GRM3: variants seen among roughly 807,000 people sequenced by gnomAD.
GRM3 encodes metabotropic glutamate receptor 3.
GRM3 carries 26 observed loss-of-function variants against 70.5 expected under a neutral mutation model. The observed-to-expected ratio is 0.37, with a 90% CI of 0.27 to 0.51. The LOEUF (loss-of-function observed/expected upper bound fraction) is 0.51, where lower values mean the gene tolerates loss of function less well. Among genes scored for constraint, GRM3 ranks in the 20% least tolerant of loss-of-function variants. The pLI, the probability that GRM3 is intolerant of heterozygous loss-of-function variation, is 0.93. For missense variants in GRM3, 859 were observed against 1,123.8 expected (o/e 0.76, Z 3.37); for synonymous variants, 443 against 434.9 (o/e 1.02, Z -0.23).
intron 5 of GRM3, among the ~76,000 whole-genome samples, chr7:86,856,212 G>A (rs976854945): frequency 3.3e-5 from 5 of 152,144 alleles, no homozygotes; most frequent in African/African-American, 9.7e-5. Flanking sequence ...GGAAGGCCAA[G>A]GCAGGTGGAT....
chr7:86,758,693 T>C (rs1796406837), intron 1 of GRM3, among the ~76,000 whole-genome samples: 1 of 152,120 alleles, frequency 6.6e-6, no homozygotes, highest in African/African-American at 2.4e-5. Flanking sequence ...TTTAGGACAA[T>C]CTGTTTGCCT....
intron 3 of GRM3, among the ~76,000 whole-genome samples, chr7:86,833,853 C>T (rs1798405302): frequency 6.6e-6 from 1 of 152,022 alleles, no homozygotes; most frequent in African/African-American, 2.4e-5. Context: ...GTAATGTATG[C>T]ATTTGAAGTA....
rs750176393 is a variant in GRM3, at chr7:86,864,368, G to A, written c.*13G>A. 3.1e-6 allele frequency: 5 copies of A among 1,600,776 alleles called. No individual in the cohort carries two copies. In the East Asian group the frequency reaches 6.7e-5, roughly 21 times the overall value. On this transcript the variant is annotated 3_prime_UTR_variant, in exon 6 of 6. Transcript: ENST00000361669. The stretch of plus-strand genomic sequence containing the variant: ...CTCATCTCTGTGATTGTGAATTGCA[G>A]TTCAGTTCTTGTGTTTTTAGACTGT...
Position 86,786,097 on chromosome 7 carries a change from C to A in GRM3, c.469-164C>A. The A allele has an allele frequency of 1.5e-6, 1 of 677,718 alleles. No homozygotes were observed. The highest frequency in any genetic ancestry group is 1.8e-5 in the South Asian group (1 of 56,980). The allele number at this position is 677,718 out of a possible 1,614,324, so 42.0% of individuals were successfully genotyped here. On this transcript the variant is annotated intron_variant, in intron 2 of 5. Transcript: ENST00000361669. This position sits in a 1 kb window ranked among gnomAD's most constrained non-coding sequence, Gnocchi z 6.0. ...TTCCTAGTGTCCAAAATACAGTATC[C>A]AAGGAAGCATCTGGTATTCATCTCA...
rs111893340 is a variant in GRM3, at chr7:86,802,598, GA to G, written c.1324+15494del. ...TATTTCTGAGAATCAATAGTAAATT[GA>G]AAAAAAAAAAACGTAATCAGGCTAC... On this transcript the variant is annotated intron_variant, in intron 3 of 5. Transcript: ENST00000361669. 3.8e-3 allele frequency among the ~76,000 whole-genome samples: 516 copies of G among 135,612 alleles called. 7 individuals carry two copies. The East Asian group carries it at 0.054, about 14-fold the overall frequency. 89.0% of individuals were successfully genotyped at this position (135,612 alleles called of 152,430 possible). A position where few individuals can be genotyped will look rare whatever the true frequency, so the allele number is the denominator to read the frequency against.
At chr7:86,841,425 A>G (rs1365405041) in intron 4 of GRM3, among the ~76,000 whole-genome samples, 1 of 152,192 alleles carries the variant, frequency 6.6e-6, no homozygotes, top group Non-Finnish European at 1.5e-5. Flanking sequence ...TATGAACTAC[A>G]GGGGAGTTGG....
chr7:86,854,322 T>A (rs769980967), intron 5 of GRM3, among the ~76,000 whole-genome samples: 32 of 152,102 alleles, frequency 2.1e-4, no homozygotes, highest in Non-Finnish European at 3.2e-4. Context: ...CCAAGGTGGT[T>A]GATAGCAGAA....
At chr7:86,757,559 C>A (rs1449778737) in intron 1 of GRM3, among the ~76,000 whole-genome samples, 1 of 152,196 alleles carries the variant, frequency 6.6e-6, no homozygotes, top group African/African-American at 2.4e-5. Flanking sequence ...GTCTGCCAGG[C>A]CTCACTGAGT....
At chr7:86,768,242 G>A (rs1796654097) in intron 2 of GRM3, among the ~76,000 whole-genome samples, 1 of 152,140 alleles carries the variant, frequency 6.6e-6, no homozygotes, top group Non-Finnish European at 1.5e-5. Flanking sequence ...TCAATAAATG[G>A]TAACCTTATG....
At chr7:86,856,602 T>TA (rs1212383978) in intron 5 of GRM3, among the ~76,000 whole-genome samples, 4 of 151,990 alleles carry the variant, frequency 2.6e-5, no homozygotes, top group East Asian at 1.9e-4. Flanking sequence ...AAATAAAAGT[T>TA]AAAAAAAAGA....
At chr7:86,778,136 G>A (rs189300785) in intron 2 of GRM3, among the ~76,000 whole-genome samples, 2 of 152,106 alleles carry the variant, frequency 1.3e-5, no homozygotes, top group Non-Finnish European at 2.9e-5. Context: ...AAACATGAAG[G>A]TTATTATCAA....
chr7:86,724,453 A>G (rs771157536), intron 1 of GRM3, among the ~76,000 whole-genome samples: 3 of 152,104 alleles, frequency 2.0e-5, no homozygotes, highest in Non-Finnish European at 4.4e-5. Flanking sequence ...TGAAGACTCA[A>G]TTTCCATATT....
At chr7:86,819,457 A>C (rs1798076461) in intron 3 of GRM3, among the ~76,000 whole-genome samples, 1 of 152,134 alleles carries the variant, frequency 6.6e-6, no homozygotes, top group Non-Finnish European at 1.5e-5. Flanking sequence ...ATCATAACTA[A>C]AGCCAACAAA....
intron 1 of GRM3, among the ~76,000 whole-genome samples, chr7:86,675,236 C>T (rs894367961): frequency 1.3e-5 from 2 of 152,022 alleles, no homozygotes; most frequent in African/African-American, 2.4e-5. Context: ...TTGCTAGATA[C>T]ACTTTAGTTC....
At chr7:86,779,442 A>C (rs2116496600) in intron 2 of GRM3, among the ~76,000 whole-genome samples, 1 of 152,232 alleles carries the variant, frequency 6.6e-6, no homozygotes, top group South Asian at 2.1e-4. Context: ...ACACACACAA[A>C]CCCATCATTA....
intron 3 of GRM3, among the ~76,000 whole-genome samples, chr7:86,838,018 G>A (rs1584273137): frequency 6.6e-6 from 1 of 152,190 alleles, no homozygotes; most frequent in Non-Finnish European, 1.5e-5. Context: ...GAGGAAGCAT[G>A]TATGCTCAGA....
intron 1 of GRM3, among the ~76,000 whole-genome samples, chr7:86,758,506 G>A (rs1360745161): frequency 6.6e-6 from 1 of 152,112 alleles, no homozygotes; most frequent in Non-Finnish European, 1.5e-5. Flanking sequence ...CAGCTGAAAT[G>A]GCAACACACA....
At chr7:86,854,648 A>G (rs1175247968) in intron 5 of GRM3, among the ~76,000 whole-genome samples, 1 of 152,136 alleles carries the variant, frequency 6.6e-6, no homozygotes, top group East Asian at 1.9e-4. Flanking sequence ...CCACCCATAG[A>G]TATTCTGATT....
chr7:86,810,310 T>G (rs1245481953), intron 3 of GRM3, among the ~76,000 whole-genome samples: 1 of 151,990 alleles, frequency 6.6e-6, no homozygotes, highest in Non-Finnish European at 1.5e-5. Context: ...CCTTAATATT[T>G]AGGAACATAG....
Sources: gnomAD v4.1 joint callset for allele counts (sites outside exome capture counted in the v4.1 genomes callset) on GRCh38, gnomAD v4.1.1 for gene constraint, Gnocchi (gnomAD v3.1) non-coding constraint, MANE v1.5 for transcripts, NCBI Gene and HGNC (gene_info 2026-07-23, HGNC 2026-07-21) for gene names.